The following NLGN1 variants were observed in gnomAD, a reference collection of about 807,000 sequenced individuals.
NLGN1 encodes neuroligin-1.
NLGN1 carries 12 observed loss-of-function variants against 65.5 expected under a neutral mutation model. The ratio of observed to expected loss-of-function variants is 0.18; its 90% CI spans 0.12 to 0.30. The LOEUF is 0.30. NLGN1 is among the 10% of genes least tolerant of loss of function. The pLI, the probability that NLGN1 is intolerant of heterozygous loss-of-function variation, is 1.00. For missense variants in NLGN1, 750 were observed against 1,007.1 expected (o/e 0.74, Z 3.46); for synonymous variants, 350 against 359.5 (o/e 0.97, Z 0.30).
chr3:173,634,164 C>G (rs945367512), intron 3 of NLGN1, among the ~76,000 whole-genome samples: 40 of 151,878 alleles, frequency 2.6e-4, no homozygotes, highest in African/African-American at 9.2e-4. Flanking sequence ...GAAAGAAAAG[C>G]AAACAATACA....
chr3:173,403,085 A>G (rs1717995294), intron 1 of NLGN1, among the ~76,000 whole-genome samples: 1 of 152,086 alleles, frequency 6.6e-6, no homozygotes, highest in African/African-American at 2.4e-5. Context: ...AAATAATTAC[A>G]TGGCCTTTGA....
intron 4 of NLGN1, among the ~76,000 whole-genome samples, chr3:174,192,582 A>T (rs897357384): frequency 5.9e-5 from 9 of 152,146 alleles, no homozygotes; most frequent in Non-Finnish European, 7.4e-5. Context: ...TCCCAGAGAA[A>T]TGTATATGTA....
chr3:174,290,081 C>T (rs1752592722), downstream of NLGN1, among the ~76,000 whole-genome samples: 1 of 149,892 alleles, frequency 6.7e-6, no homozygotes, highest in Non-Finnish European at 1.5e-5. Flanking sequence ...AAGTAAGTTT[C>T]AAATTTCTCC....
intron 1 of NLGN1, among the ~76,000 whole-genome samples, chr3:173,428,047 CTTA>C (rs1435064262): frequency 6.6e-6 from 1 of 151,806 alleles, no homozygotes; most frequent in African/African-American, 2.4e-5. Flanking sequence ...TATTGACCCA[CTTA>C]TTATTATATA....
chr3:174,244,893 G>T lies in NLGN1; in HGVS notation c.647-30422G>T, dbSNP rs138686162. ...ACTCTTATTATTCCTTAATTGAAGT[G>T]CACCAATGTGAAATTGCCATAGATG... On this transcript the variant is annotated intron_variant, in intron 4 of 6. Transcript: ENST00000457714. 6.8e-3 allele frequency among the ~76,000 whole-genome samples: 1,031 copies of T among 152,270 alleles called. 5 individuals are homozygous for T. The highest frequency in any genetic ancestry group is 0.011 in the Non-Finnish European group (719 of 68,008).
At chr3:173,987,361 GA>G (rs1231959731) in intron 4 of NLGN1, among the ~76,000 whole-genome samples, 2 of 152,144 alleles carry the variant, frequency 1.3e-5, no homozygotes, top group Non-Finnish European at 1.5e-5. Flanking sequence ...AAGATCTGAG[GA>G]AATCAACTGT....
intron 3 of NLGN1, among the ~76,000 whole-genome samples, chr3:173,795,258 A>G (rs191196085): frequency 6.6e-6 from 1 of 152,138 alleles, no homozygotes; most frequent in South Asian, 2.1e-4. Flanking sequence ...TCCAAAATTC[A>G]CTTCCAATAT....
chr3:174,266,430 TACG>T (rs1748260780), intron 4 of NLGN1, among the ~76,000 whole-genome samples: 1 of 152,206 alleles, frequency 6.6e-6, no homozygotes, highest in Admixed American at 6.5e-5. Context: ...AGTGCATATG[TACG>T]ACATTTTCTT....
At chr3:173,787,471 G>A (rs554173604) in intron 3 of NLGN1, among the ~76,000 whole-genome samples, 3 of 152,046 alleles carry the variant, frequency 2.0e-5, no homozygotes, top group African/African-American at 4.8e-5. Context: ...TTCTTCAAAG[G>A]CAATCTTGGC....
chr3:173,449,830 C>T (rs1416639114), intron 2 of NLGN1, among the ~76,000 whole-genome samples: 1 of 152,110 alleles, frequency 6.6e-6, no homozygotes, highest in African/African-American at 2.4e-5. Flanking sequence ...CCTTCTTTGT[C>T]TCTTTTGATC....
At chr3:173,835,776 T>A (rs750569248) in intron 4 of NLGN1, among the ~76,000 whole-genome samples, 1 of 152,012 alleles carries the variant, frequency 6.6e-6, no homozygotes, top group Non-Finnish European at 1.5e-5. Flanking sequence ...TGTTTCCTTC[T>A]GAGAGAGAAA....
At chr3:174,154,993 T>TATATAATATAATATATA (rs1561175372) in intron 4 of NLGN1, among the ~76,000 whole-genome samples, 4 of 122,462 alleles carry the variant, frequency 3.3e-5, no homozygotes, top group South Asian at 2.2e-4. Context: ...TATTATATAT[T>TATATAATATAATATATA]ATATATATTT....
intron 4 of NLGN1, among the ~76,000 whole-genome samples, chr3:174,215,350 C>G (rs754061919): frequency 2.6e-5 from 4 of 152,132 alleles, no homozygotes; most frequent in Non-Finnish European, 5.9e-5. Flanking sequence ...CAGAGTGCCA[C>G]TTGCTGTCTC....
rs562585915 is a variant in NLGN1, at chr3:173,590,049, C to G, written c.-320-14230C>G. ...TTTTTCCATGTGACAACCACCACTT[C>G]TATGACAGAACTGACCAGAAAAAGT... On this transcript the variant is annotated intron_variant, in intron 2 of 6. Coordinates refer to ENST00000457714, the Ensembl canonical transcript of NLGN1. Among the ~76,000 whole-genome samples, 45 of 152,210 alleles carry G rather than the reference C, an allele frequency of 3.0e-4. 1 individual carries two copies. The South Asian group carries it at 7.9e-3, about 27-fold the overall frequency.
intron 4 of NLGN1, among the ~76,000 whole-genome samples, chr3:174,144,983 T>C (rs931292463): frequency 1.3e-5 from 2 of 152,126 alleles, no homozygotes; most frequent in African/African-American, 2.4e-5. Context: ...TGCCCATGCC[T>C]ATGTCCTGAA....
chr3:173,806,638 A>G (rs754754463), intron 3 of NLGN1, among the ~76,000 whole-genome samples: 2 of 152,124 alleles, frequency 1.3e-5, no homozygotes, highest in African/African-American at 2.4e-5. Context: ...TTCAATCTAT[A>G]TAATACGTAG....
intron 2 of NLGN1, among the ~76,000 whole-genome samples, chr3:173,467,787 A>C (rs1424778409): frequency 6.6e-6 from 1 of 152,108 alleles, no homozygotes; most frequent in African/African-American, 2.4e-5. Context: ...AGTGTGAGTC[A>C]ATGAGTCCAT....
chr3:173,537,130 A>G (rs757779604), intron 2 of NLGN1, among the ~76,000 whole-genome samples: 2 of 152,170 alleles, frequency 1.3e-5, no homozygotes, highest in African/African-American at 2.4e-5. Context: ...TCGCCCAGAA[A>G]CACTCTCAAA....
At chr3:174,024,156 A>C (rs76007271) in intron 4 of NLGN1, among the ~76,000 whole-genome samples, 1 of 151,572 alleles carries the variant, frequency 6.6e-6, no homozygotes, top group South Asian at 2.1e-4. Flanking sequence ...AAAAAAAAAA[A>C]AAAAAAAAAA....
Sources: allele counts gnomAD v4.1 joint callset (sites outside exome capture counted in the v4.1 genomes callset), GRCh38; gene constraint gnomAD v4.1.1; transcripts MANE v1.5; gene names NCBI Gene and HGNC (gene_info 2026-07-23, HGNC 2026-07-21).